SYNJ1: variants seen among roughly 807,000 people sequenced by gnomAD.
SYNJ1 encodes polyphosphatidylinositol phosphatase SYNJ1.
Under a neutral mutation model 168.2 loss-of-function variants are expected in SYNJ1, and 78 were observed. The observed-to-expected ratio is 0.46, with a 90% CI of 0.39 to 0.56. The LOEUF is 0.56. Ranked by LOEUF, SYNJ1 falls within the 20% of genes least tolerant of loss-of-function variation. The pLI is 0.00. For missense variants in SYNJ1, 1,303 were observed against 1,597.6 expected (o/e 0.82, Z 3.14); for synonymous variants, 539 against 548.6 (o/e 0.98, Z 0.24).
At chr21:32,682,110 G>C (rs1340613503) in intron 10 of SYNJ1, among the ~76,000 whole-genome samples, 1 of 152,030 alleles carries the variant, frequency 6.6e-6, no homozygotes, top group Non-Finnish European at 1.5e-5. Flanking sequence ...ACAAAATAAA[G>C]AAAATAAGTA....
At chr21:32,722,232 A>G (rs1224406294) in intron 2 of SYNJ1, among the ~76,000 whole-genome samples, 270 of 143,640 alleles carry the variant, frequency 1.9e-3, no homozygotes, top group Non-Finnish European at 3.1e-3. Flanking sequence ...ATATATATAT[A>G]ATGTATGCAT....
chr21:32,723,183 C>T (rs2043312098), intron 2 of SYNJ1, among the ~76,000 whole-genome samples: 1 of 152,262 alleles, frequency 6.6e-6, no homozygotes, highest in South Asian at 2.1e-4. Flanking sequence ...ACGTGGGTCC[C>T]TAAGGGGATC....
At chr21:32,665,122 A>C (rs1040186548) in intron 17 of SYNJ1, 51 bp from the exon 18 acceptor site, 59 of 1,528,092 alleles carry the variant, frequency 3.9e-5, no homozygotes, top group Non-Finnish European at 5.1e-5. Flanking sequence ...ATGTTCAAAA[A>C]TGTTTTACAA....
In SYNJ1 at chr21:32,695,152, T is replaced by C. The variant is rs768835552; in HGVS notation, c.610A>G (p.Ile204Val). The change falls in exon 5 of 33, where the codon ATT becomes GTT. Residue 204 changes from isoleucine to valine, a missense_variant. Ile to Val is a conservative substitution (Grantham distance 29, BLOSUM62 3). This residue lies in a region of SYNJ1 where 920 missense variants were observed against 1,208.8 expected (regional missense o/e 0.76). Transcript: ENST00000674351. ...GCTCGTTCACAGCTTAATCTTGAAA[T>C]GAGGCAAGCCTTCGCCTGTTTATGA... is the stretch of plus-strand genomic sequence containing the variant. Reference protein sequence around the residue: ...AAHKQAKACLISRLSCERAGT... With the variant: ...AAHKQAKACLVSRLSCERAGT... 3.1e-6 allele frequency: 5 copies of C among 1,614,194 alleles called. No individual in the cohort carries two copies. The highest frequency in any genetic ancestry group is 3.3e-5 in the Admixed American group (2 of 60,030).
intron 17 of SYNJ1, 41 bp from the exon 18 acceptor site, chr21:32,665,112 A>C: frequency 6.5e-7 from 1 of 1,542,864 alleles, no homozygotes. Flanking sequence ...AAAACAATCA[A>C]TGTTCAAAAA....
At position 32,631,269 on chromosome 21, in the gene SYNJ1, G is replaced by A. The variant is rs1173883015; in HGVS notation, c.*536C>T. ...ACCAAAATCCTCTTCTTCCTCGAAGGTTACCCATCCTTTCGGGTTGCTAAT... is the reference window on the plus strand; with the variant it reads ...ACCAAAATCCTCTTCTTCCTCGAAGATTACCCATCCTTTCGGGTTGCTAAT... On this transcript the variant is annotated 3_prime_UTR_variant, in exon 33 of 33. Transcript: ENST00000674351. The A allele has an allele frequency of 6.2e-7, 1 of 1,614,200 alleles. No homozygotes were observed. The highest frequency in any genetic ancestry group is 1.7e-5 in the Admixed American group (1 of 60,026).
At position 32,695,084 on chromosome 21, in the gene SYNJ1, A is replaced by C; in HGVS notation, c.678T>G (p.His226Gln). Residue 226 changes from histidine (H) to glutamine (Q), a missense_variant, in exon 5 of 33, where the codon CAT (histidine) becomes CAG (glutamine). By Grantham distance (24) the His-to-Gln change is conservative. Transcript: ENST00000674351. Reference protein sequence around the residue: ...FNVRGTNDDGHVANFVETEQV... With the variant: ...FNVRGTNDDGQVANFVETEQV... ...GTTCTGTTTCTACAAAATTGGCAAC[A>C]TGACCATCATCATTTGTTCCCCGGA... 1 of 1,614,206 alleles carries C rather than the reference A, an allele frequency of 6.2e-7. No individual in the cohort carries two copies. The highest frequency in any genetic ancestry group is 8.5e-7 in the Non-Finnish European group (1 of 1,180,018).
intron 32 of SYNJ1, among the ~76,000 whole-genome samples, chr21:32,632,920 T>C (rs1207856122): frequency 6.6e-6 from 1 of 152,102 alleles, no homozygotes; most frequent in African/African-American, 2.4e-5. Context: ...CTCAGGAGGC[T>C]GAGGAAGGAG....
In SYNJ1 at chr21:32,685,133, G is replaced by T. The variant is rs1188401576; in HGVS notation, c.1118+615C>A. 4.2e-5 allele frequency among the ~76,000 whole-genome samples: 6 copies of T among 144,348 alleles called. No individual in the cohort carries two copies. The East Asian group carries it at 1.2e-3, about 30-fold the overall frequency. The allele number at this position is 144,348 out of a possible 152,430, so 94.7% of individuals were successfully genotyped here. On this transcript the variant is annotated intron_variant, in intron 9 of 32. Coordinates refer to ENST00000674351, the MANE Select transcript of SYNJ1 (RefSeq NM_203446.3). Reference sequence around the variant, plus strand: ...GGAGGCGGAGCTTGCAGTGAGCCAAGATCGCACCACTGCACTCCAGCCTGG... The same window carrying T: ...GGAGGCGGAGCTTGCAGTGAGCCAATATCGCACCACTGCACTCCAGCCTGG...
chr21:32,707,181 A>G (rs2146271361), intron 2 of SYNJ1, among the ~76,000 whole-genome samples: 2 of 151,396 alleles, frequency 1.3e-5, no homozygotes, highest in South Asian at 4.2e-4. Context: ...CTTCCCAAAG[A>G]TTTTCCCTGA....
intron 2 of SYNJ1, among the ~76,000 whole-genome samples, chr21:32,721,450 G>A (rs1159717073): frequency 1.3e-5 from 2 of 152,156 alleles, no homozygotes; most frequent in African/African-American, 4.8e-5. Context: ...AAGCTGAGGT[G>A]GGTGGATCAC....
At chr21:32,676,969 T>C (rs923240953) in intron 12 of SYNJ1, among the ~76,000 whole-genome samples, 1 of 152,180 alleles carries the variant, frequency 6.6e-6, no homozygotes, top group Non-Finnish European at 1.5e-5. Context: ...ACATTATACA[T>C]GTTAAATGGT....
intron 23 of SYNJ1, among the ~76,000 whole-genome samples, chr21:32,649,807 T>C (rs2040207956): frequency 6.6e-6 from 1 of 152,352 alleles, no homozygotes; most frequent in East Asian, 1.9e-4. Flanking sequence ...TGGAGTGCAG[T>C]GGCACAATCT....
At chr21:32,688,481 A>C (rs537675855) in intron 6 of SYNJ1, 114 bp from the exon 7 acceptor site, 2 of 778,006 alleles carry the variant, frequency 2.6e-6, no homozygotes, top group African/African-American at 3.5e-5. Context: ...CGTTAATCAA[A>C]TAACTGATTT....
Position 32,698,455 on chromosome 21 carries a change from T to C in SYNJ1, c.479+1383A>G, listed in dbSNP as rs116612454. 1.2e-3 allele frequency among the ~76,000 whole-genome samples: 180 copies of C among 152,314 alleles called. 1 individual carries two copies. The highest frequency in any genetic ancestry group is 4.2e-3 in the African/African-American group (173 of 41,552). On this transcript the variant is annotated intron_variant, in intron 4 of 32. Transcript: ENST00000674351. Reference sequence around the variant, plus strand: ...AGAAAAAGTACACAAGAGGAAACCATCTTGAATCTGAACTGTTAAGGGAGG... The same window carrying C: ...AGAAAAAGTACACAAGAGGAAACCACCTTGAATCTGAACTGTTAAGGGAGG...
intron 9 of SYNJ1, 55 bp from the exon 10 acceptor site, chr21:32,684,174 A>T (rs2041735675): frequency 6.6e-7 from 1 of 1,519,862 alleles, no homozygotes; most frequent in Middle Eastern, 1.7e-4. Context: ...GCTAAAACAA[A>T]CAGTGAATAA....
At chr21:32,664,417 C>T (rs2040838832) in intron 18 of SYNJ1, among the ~76,000 whole-genome samples, 1 of 152,188 alleles carries the variant, frequency 6.6e-6, no homozygotes, top group South Asian at 2.1e-4. Context: ...CAGCACTGTG[C>T]CCTGGGCCTG....
intron 18 of SYNJ1, among the ~76,000 whole-genome samples, chr21:32,664,584 G>A (rs542421807): frequency 5.9e-5 from 9 of 151,866 alleles, no homozygotes; most frequent in African/African-American, 1.5e-4. Flanking sequence ...AATCGATCAC[G>A]ACCCTCTCAC....
chr21:32,677,714 G>A (rs543805800), intron 12 of SYNJ1, among the ~76,000 whole-genome samples: 14 of 152,194 alleles, frequency 9.2e-5, no homozygotes, highest in African/African-American at 3.1e-4. Flanking sequence ...CCACTTACAG[G>A]TCCCTGAGGA....
Sources: gnomAD v4.1 joint callset for allele counts (sites outside exome capture counted in the v4.1 genomes callset) on GRCh38, gnomAD v4.1.1 for gene constraint, gnomAD v4.1.1 regional missense constraint, MANE v1.5 for transcripts, NCBI Gene and HGNC (gene_info 2026-07-23, HGNC 2026-07-21) for gene names.